Variants in ADARB2 observed in about 807,000 individuals in gnomAD.
ADARB2 encodes the protein adenosine deaminase RNA specific B2 (inactive), also known as inactive double-stranded RNA-specific editase B2.
A neutral mutation model predicts 62.2 loss-of-function variants in ADARB2; 25 were observed. That is an observed-to-expected ratio of 0.40 (90% CI 0.29 to 0.56). ADARB2 has a LOEUF of 0.56. Among genes scored for constraint, ADARB2 ranks in the 20% least tolerant of loss-of-function variants. The probability of loss-of-function intolerance (pLI) is 0.43; values close to 1 mark genes in which losing one functional copy is unlikely to be tolerated. For missense variants in ADARB2, 1,071 were observed against 1,077.4 expected, an observed-to-expected ratio of 0.99 and a Z score of 0.08; for synonymous variants, 572 against 500.8, an observed-to-expected ratio of 1.14 and a Z score of -1.90.
intron 4 of ADARB2, among the ~76,000 whole-genome samples, chr10:1,269,848 C>G (rs991279914): frequency 6.6e-6 from 1 of 151,968 alleles, no homozygotes; most frequent in East Asian, 1.9e-4. Flanking sequence ...TGGAGGTGAA[C>G]TCTTAGCCCT....
intron 1 of ADARB2, among the ~76,000 whole-genome samples, chr10:1,549,568 C>T (rs912474884): frequency 7.2e-5 from 11 of 152,120 alleles, no homozygotes; most frequent in Admixed American, 2.0e-4. Context: ...TTTCTTCCTC[C>T]GAGACCCACG....
At chr10:1,456,027 T>C (rs2131904838) in intron 1 of ADARB2, among the ~76,000 whole-genome samples, 1 of 152,352 alleles carries the variant, frequency 6.6e-6, no homozygotes, top group East Asian at 1.9e-4. Context: ...ACATTCAGAA[T>C]AGATCATATG....
intron 1 of ADARB2, among the ~76,000 whole-genome samples, chr10:1,703,430 G>A (rs1414456934): frequency 1.3e-5 from 2 of 152,066 alleles, no homozygotes; most frequent in African/African-American, 4.8e-5. Context: ...TGAGGAGGCT[G>A]AGGGGTGGGG....
chr10:1,194,525 TA>T lies in ADARB2; in HGVS notation c.1864+5440del, dbSNP rs72504975. 6.1e-3 allele frequency among the ~76,000 whole-genome samples: 416 copies of T among 67,964 alleles called. 3 individuals carry two copies. The highest frequency in any genetic ancestry group is 8.8e-3 in the South Asian group (7 of 798). 44.6% of individuals were successfully genotyped at this position (67,964 alleles called of 152,430 possible). ...ATCATCTATCTATTATCTATCTATC[TA>T]ATCTATCTATCTGTCTGTCTGTCAG... On this transcript the variant is annotated intron_variant, in intron 8 of 9. Transcript: ENST00000381312.
intron 1 of ADARB2, among the ~76,000 whole-genome samples, chr10:1,508,976 A>G (rs1831886323): frequency 6.6e-6 from 1 of 152,160 alleles, no homozygotes; most frequent in Admixed American, 6.5e-5. Flanking sequence ...GGGCCTCAGC[A>G]TGAAGGCTGG....
At chr10:1,678,235 TGA>T (rs1834491679) in intron 1 of ADARB2, 1 of 985,172 alleles carries the variant, frequency 1.0e-6, no homozygotes, top group African/African-American at 1.7e-5. Context: ...GACCTCAGGG[TGA>T]GTGTCCTCGG....
At chr10:1,309,187 T>C (rs1214116817) in intron 3 of ADARB2, among the ~76,000 whole-genome samples, 2 of 152,208 alleles carry the variant, frequency 1.3e-5, no homozygotes, top group African/African-American at 2.4e-5. Flanking sequence ...CAAGACTCCA[T>C]ACCCAGAGGG....
intron 1 of ADARB2, among the ~76,000 whole-genome samples, chr10:1,673,667 C>T (rs976894636): frequency 2.0e-5 from 3 of 152,170 alleles, no homozygotes; most frequent in Admixed American, 1.3e-4. Flanking sequence ...CGGATCATAA[C>T]GATGACGAAG....
At chr10:1,560,063 C>T (rs1832766807) in intron 1 of ADARB2, among the ~76,000 whole-genome samples, 1 of 152,184 alleles carries the variant, frequency 6.6e-6, no homozygotes, top group Non-Finnish European at 1.5e-5. Flanking sequence ...GTGAGATTTT[C>T]GTCTTCCAAG....
intron 7 of ADARB2, among the ~76,000 whole-genome samples, chr10:1,205,565 G>A (rs548438955): frequency 1.3e-5 from 2 of 152,338 alleles, no homozygotes; most frequent in East Asian, 3.9e-4. Flanking sequence ...CAGGCTCTGC[G>A]GTCCGAATGC....
At chr10:1,327,557 G>T (rs376784755) in intron 3 of ADARB2, among the ~76,000 whole-genome samples, 396 of 12,062 alleles carry the variant, frequency 0.033, 2 homozygotes, top group African/African-American at 0.14. Context: ...GCCTCCTCAC[G>T]GCCCAGCGCC....
intron 1 of ADARB2, among the ~76,000 whole-genome samples, chr10:1,533,800 C>T (rs768816642): frequency 9.2e-5 from 14 of 152,138 alleles, no homozygotes; most frequent in Non-Finnish European, 1.6e-4. Flanking sequence ...AAGTCCTGTG[C>T]GGAAGAGAAG....
intron 1 of ADARB2, among the ~76,000 whole-genome samples, chr10:1,595,619 C>T (rs906372675): frequency 6.6e-6 from 1 of 152,230 alleles, no homozygotes; most frequent in Non-Finnish European, 1.5e-5. Context: ...AGTCCAATGC[C>T]TTTTCCCTGG....
At chr10:1,516,980 C>T (rs1258183907) in intron 1 of ADARB2, among the ~76,000 whole-genome samples, 2 of 152,200 alleles carry the variant, frequency 1.3e-5, no homozygotes. Flanking sequence ...GTTTCCCCCA[C>T]GCCGGCCAGT....
rs567380328 is a variant in ADARB2 at position 1,562,792 on chromosome 10, C to T, written c.100+174259G>A. 5.5e-4 allele frequency among the ~76,000 whole-genome samples: 83 copies of T among 152,286 alleles called. 1 individual carries two copies. The highest frequency in any genetic ancestry group is 1.9e-3 in the African/African-American group (77 of 41,524). Reference sequence around the variant, plus strand: ...CTTCAGTAGGACAGCCAAGGTCAGGCCTTTGCCCTTGCAGGGGTGTGGGGA... The same window carrying T: ...CTTCAGTAGGACAGCCAAGGTCAGGTCTTTGCCCTTGCAGGGGTGTGGGGA... On this transcript the variant is annotated intron_variant, in intron 1 of 9. Coordinates refer to ENST00000381312, the MANE Select transcript of ADARB2 (RefSeq NM_018702.4).
intron 1 of ADARB2, among the ~76,000 whole-genome samples, chr10:1,390,912 C>T (rs913636317): frequency 6.6e-5 from 10 of 152,316 alleles, no homozygotes; most frequent in South Asian, 6.2e-4. Context: ...TCCAAGACAA[C>T]GTGCCTTAAA....
intron 7 of ADARB2, among the ~76,000 whole-genome samples, chr10:1,204,237 T>C (rs1259523412): frequency 2.0e-5 from 3 of 152,142 alleles, no homozygotes; most frequent in African/African-American, 7.2e-5. Context: ...AGACCTATTC[T>C]GGGGGCCTTT....
chr10:1,683,245 T>G (rs575151920), intron 1 of ADARB2, among the ~76,000 whole-genome samples: 1 of 152,290 alleles, frequency 6.6e-6, no homozygotes. Flanking sequence ...TTTGGGCATC[T>G]CTTGGTTCTA....
At chr10:1,630,652 G>A (rs976827766) in intron 1 of ADARB2, among the ~76,000 whole-genome samples, 1 of 152,084 alleles carries the variant, frequency 6.6e-6, no homozygotes, top group Non-Finnish European at 1.5e-5. Context: ...TCCACATGGT[G>A]GTTTATTAAA....
Sources: allele counts gnomAD v4.1 joint callset (sites outside exome capture counted in the v4.1 genomes callset), GRCh38; gene constraint gnomAD v4.1.1; transcripts MANE v1.5; gene names NCBI Gene and HGNC (gene_info 2026-07-23, HGNC 2026-07-21).